KCNK10: variants seen among roughly 807,000 people sequenced by gnomAD.
KCNK10 encodes potassium channel subfamily K member 10.
Under a neutral mutation model 47.7 loss-of-function variants are expected in KCNK10, and 25 were observed. The observed-to-expected ratio is 0.52, with a 90% CI of 0.38 to 0.73. The LOEUF is 0.73. KCNK10 is among the 30% of genes least tolerant of loss of function. The pLI, the probability that KCNK10 is intolerant of heterozygous loss-of-function variation, is 0.00. For missense variants in KCNK10, 563 were observed against 714.5 expected (o/e 0.79, Z 2.42); for synonymous variants, 303 against 285.6 (o/e 1.06, Z -0.61).
At chr14:88,282,971 T>C (rs1322690508) in intron 1 of KCNK10, among the ~76,000 whole-genome samples, 1 of 152,232 alleles carries the variant, frequency 6.6e-6, no homozygotes, top group Non-Finnish European at 1.5e-5. Context: ...TACAACCTGC[T>C]TCAGCACTAT....
intron 4 of KCNK10, among the ~76,000 whole-genome samples, chr14:88,225,610 A>C (rs191225891): frequency 6.6e-6 from 1 of 152,362 alleles, no homozygotes; most frequent in East Asian, 1.9e-4. Context: ...TTTTTCTGCT[A>C]AGGAGGATTT....
At chr14:88,192,060 T>C (rs1884764855) in intron 5 of KCNK10, among the ~76,000 whole-genome samples, 164 bp downstream of exon 5, 2 of 152,208 alleles carry the variant, frequency 1.3e-5, no homozygotes, top group Non-Finnish European at 2.9e-5. Flanking sequence ...GTATTTATAT[T>C]ACATAGGACT....
At chr14:88,217,105 C>T (rs1055983309) in intron 4 of KCNK10, among the ~76,000 whole-genome samples, 4 of 152,172 alleles carry the variant, frequency 2.6e-5, no homozygotes, top group East Asian at 1.9e-4. Context: ...TGCAGTGAGG[C>T]GAGATCATGC....
At chr14:88,212,127 TATATCGAG>T (rs1885481128) in intron 4 of KCNK10, among the ~76,000 whole-genome samples, 2 of 66,426 alleles carry the variant, frequency 3.0e-5, no homozygotes, top group African/African-American at 9.4e-5. Flanking sequence ...TATATATATA[TATATCGAG>T]AGAGAGAGAG....
At chr14:88,257,085 A>C (rs762873444) in intron 2 of KCNK10, among the ~76,000 whole-genome samples, 13 of 152,106 alleles carry the variant, frequency 8.5e-5, no homozygotes, top group Non-Finnish European at 1.5e-4. Flanking sequence ...GGTTTGAGTA[A>C]TTTTCAAGTT....
At position 88,182,065 on chromosome 14, in the gene KCNK10, CACACA is replaced by C. The variant is rs1884385774; in HGVS notation, c.*3465_*3469del. 6.4e-6 allele frequency: 1 copy of C among 155,168 alleles called. No individual in the cohort carries two copies. Among genetic ancestry groups the C allele is most frequent in the Admixed American group, 6.5e-5 (1 of 15,282 alleles). 9.6% of individuals were successfully genotyped at this position (155,168 alleles called of 1,614,324 possible). A position where few individuals can be genotyped will look rare whatever the true frequency, so the allele number is the denominator to read the frequency against. On this transcript the variant is annotated 3_prime_UTR_variant, in exon 7 of 7. Coordinates refer to ENST00000319231, the MANE Select transcript of KCNK10 (RefSeq NM_138317.3). ...ACACACACACACACACACACACACA[CACACA>C]CACACACACACACACTCTATACAGC...
chr14:88,245,241 G>A (rs1366975505), intron 2 of KCNK10, among the ~76,000 whole-genome samples: 2 of 152,134 alleles, frequency 1.3e-5, no homozygotes, highest in Non-Finnish European at 2.9e-5. Context: ...AAATAATAAT[G>A]ATTTGTTTCT....
chr14:88,260,786 T>C lies in KCNK10; in HGVS notation c.402+2416A>G, dbSNP rs1057315631. Among the ~76,000 whole-genome samples, 3 of 152,230 alleles carry C rather than the reference T, an allele frequency of 2.0e-5. No homozygotes were observed. Among genetic ancestry groups the C allele is most frequent in the Admixed American group, 6.5e-5 (1 of 15,282 alleles). On this transcript the variant is annotated intron_variant, in intron 2 of 6. Coordinates refer to ENST00000319231, the MANE Select transcript of KCNK10 (RefSeq NM_138317.3). The surrounding 1 kb of genome is among the most constrained non-coding windows in gnomAD (Gnocchi z 4.5). The stretch of plus-strand genomic sequence containing the variant: ...AATAAAGAGCAGCTTTTTAAATTGT[T>C]ATAAAATTATCTTAAATGCACACAC...
chr14:88,227,231 T>G, intron 4 of KCNK10, 144 bp downstream of exon 4: 1 of 650,526 alleles, frequency 1.5e-6, no homozygotes, highest in Non-Finnish European at 2.4e-6. Context: ...TTGACTTCCA[T>G]TGGCCAAAAC....
chr14:88,203,188 C>G (rs1190799446), intron 4 of KCNK10, among the ~76,000 whole-genome samples: 1 of 152,106 alleles, frequency 6.6e-6, no homozygotes, highest in Admixed American at 6.5e-5. Context: ...CAGGGGCCAC[C>G]GCCCTGTATA....
At chr14:88,206,086 A>G (rs1037078022) in intron 4 of KCNK10, among the ~76,000 whole-genome samples, 1 of 152,230 alleles carries the variant, frequency 6.6e-6, no homozygotes, top group Non-Finnish European at 1.5e-5. Flanking sequence ...TATTAATGGC[A>G]TGGGAAATAC....
intron 1 of KCNK10, among the ~76,000 whole-genome samples, chr14:88,276,843 T>C (rs59988981): frequency 3.3e-5 from 5 of 152,196 alleles, no homozygotes; most frequent in Non-Finnish European, 5.9e-5. Context: ...TCTGCTCAGC[T>C]ACAGCTGTCA....
At chr14:88,309,920 C>T (rs887501604) in intron 1 of KCNK10, among the ~76,000 whole-genome samples, 11 of 151,942 alleles carry the variant, frequency 7.2e-5, no homozygotes, top group Non-Finnish European at 1.0e-4. Context: ...CTCCTGCCCT[C>T]CAGAGCTCTC....
At chr14:88,248,759 A>G (rs1051440018) in intron 2 of KCNK10, among the ~76,000 whole-genome samples, 1 of 151,304 alleles carries the variant, frequency 6.6e-6, no homozygotes, top group African/African-American at 2.5e-5. Flanking sequence ...AAAAAAAAAA[A>G]TCATTTTCTG....
At chr14:88,191,456 C>T (rs1333795298) in intron 5 of KCNK10, among the ~76,000 whole-genome samples, 1 of 152,062 alleles carries the variant, frequency 6.6e-6, no homozygotes, top group Admixed American at 6.6e-5. Flanking sequence ...CTTGTCTGAA[C>T]ATCTAGAACT....
At chr14:88,264,942 C>G (rs1401241836) in intron 1 of KCNK10, among the ~76,000 whole-genome samples, 1 of 152,132 alleles carries the variant, frequency 6.6e-6, no homozygotes, top group Non-Finnish European at 1.5e-5. Flanking sequence ...CCACATCTCC[C>G]ATTCATTCTG....
intron 1 of KCNK10, chr14:88,270,709 C>G (rs750984923): frequency 5.1e-6 from 4 of 780,894 alleles, no homozygotes; most frequent in Admixed American, 1.7e-5. Flanking sequence ...TTTCCTGTCC[C>G]CTTAGTCCAG....
At position 88,253,004 on chromosome 14, in the gene KCNK10, G is replaced by A. The variant is rs1298446818; in HGVS notation, c.402+10198C>T. 3.9e-5 allele frequency among the ~76,000 whole-genome samples: 6 copies of A among 152,252 alleles called. No individual in the cohort carries two copies. In the East Asian group the frequency reaches 1.2e-3, roughly 29 times the overall value. On this transcript the variant is annotated intron_variant, in intron 2 of 6. Transcript: ENST00000319231. ...AAGGAGAGTACGATTAAGAGAGCGT[G>A]GCCTCTGGAGTCAGAGAGATCTAGC...
intron 4 of KCNK10, among the ~76,000 whole-genome samples, chr14:88,213,426 C>T (rs1566687702): frequency 1.3e-5 from 2 of 152,130 alleles, no homozygotes; most frequent in Non-Finnish European, 1.5e-5. Context: ...CATAGGAAAT[C>T]ATTCACCTAT....
Sources: allele counts gnomAD v4.1 joint callset (sites outside exome capture counted in the v4.1 genomes callset), GRCh38; gene constraint gnomAD v4.1.1; non-coding constraint Gnocchi (gnomAD v3.1); transcripts MANE v1.5; gene names NCBI Gene and HGNC (gene_info 2026-07-23, HGNC 2026-07-21).